STMN2: variants seen among roughly 807,000 people sequenced by gnomAD.
STMN2 encodes stathmin-2.
STMN2 carries 2 observed loss-of-function variants against 24.1 expected under a neutral mutation model. The ratio of observed to expected loss-of-function variants is 0.08; its 90% CI spans 0.03 to 0.26. The LOEUF (loss-of-function observed/expected upper bound fraction) is 0.26. Among genes scored for constraint, STMN2 ranks in the 10% least tolerant of loss-of-function variants. STMN2 has a pLI of 1.00. For missense variants in STMN2, 114 were observed against 213.6 expected (o/e 0.53, Z 2.91); for synonymous variants, 83 against 77.5 (o/e 1.07, Z -0.37).
chr8:79,631,754 T>TA (rs955052074), intron 1 of STMN2, among the ~76,000 whole-genome samples: 8 of 152,058 alleles, frequency 5.3e-5, no homozygotes, highest in African/African-American at 1.7e-4. Flanking sequence ...ATCTGACTTT[T>TA]AAAAAAAATT....
At chr8:79,638,393 A>G (rs1810016560) in intron 2 of STMN2, among the ~76,000 whole-genome samples, 1 of 152,182 alleles carries the variant, frequency 6.6e-6, no homozygotes. Flanking sequence ...TTCTCTTATA[A>G]TCCTTTTCCA....
At chr8:79,612,977 A>G (rs1165561051) in intron 1 of STMN2, among the ~76,000 whole-genome samples, 1 of 151,984 alleles carries the variant, frequency 6.6e-6, no homozygotes, top group Non-Finnish European at 1.5e-5. Flanking sequence ...CTCCCAGCCA[A>G]GCGGGTGGCT....
At chr8:79,613,520 A>G (rs890780239) in intron 1 of STMN2, 20 of 985,356 alleles carry the variant, frequency 2.0e-5, no homozygotes, top group Middle Eastern at 5.2e-4. Flanking sequence ...GGTGGGGGCG[A>G]TCTCGCCTCG....
chr8:79,625,026 CT>C (rs1255897104), intron 1 of STMN2, among the ~76,000 whole-genome samples: 1 of 152,112 alleles, frequency 6.6e-6, no homozygotes, highest in East Asian at 1.9e-4. Context: ...CTCATTATTC[CT>C]ACTTGACAGG....
At chr8:79,614,583 G>A (rs1237524492) in intron 1 of STMN2, among the ~76,000 whole-genome samples, 3 of 152,210 alleles carry the variant, frequency 2.0e-5, no homozygotes, top group Admixed American at 6.5e-5. Context: ...TAAATTAATA[G>A]ACCTTGTGGT....
chr8:79,619,284 C>T (rs1809456434), intron 1 of STMN2, among the ~76,000 whole-genome samples: 1 of 152,074 alleles, frequency 6.6e-6, no homozygotes, highest in Non-Finnish European at 1.5e-5. Flanking sequence ...TGAAATTTAT[C>T]TAAACCTAGT....
intron 2 of STMN2, among the ~76,000 whole-genome samples, chr8:79,639,578 A>G (rs1211890838): frequency 6.6e-6 from 1 of 152,222 alleles, no homozygotes; most frequent in Non-Finnish European, 1.5e-5. Context: ...ATTATAAATT[A>G]TACTATTTTA....
chr8:79,614,479 CAT>C (rs903558254), intron 1 of STMN2, among the ~76,000 whole-genome samples: 2 of 152,188 alleles, frequency 1.3e-5, no homozygotes, highest in Non-Finnish European at 2.9e-5. Context: ...CAATTAATCT[CAT>C]GTATTTAGTT....
intron 3 of STMN2, among the ~76,000 whole-genome samples, chr8:79,653,556 C>A (rs917800980): frequency 1.3e-5 from 2 of 152,144 alleles, no homozygotes; most frequent in Admixed American, 6.6e-5. Flanking sequence ...TTTCCCATTT[C>A]TGTAGAATTT....
chr8:79,631,443 A>G, intron 1 of STMN2: 1 of 985,138 alleles, frequency 1.0e-6, no homozygotes, highest in Non-Finnish European at 1.2e-6. Context: ...GATGGGTAGA[A>G]TCTAATTTTA....
At chr8:79,653,755 A>G (rs1810385416) in intron 3 of STMN2, among the ~76,000 whole-genome samples, 1 of 152,232 alleles carries the variant, frequency 6.6e-6, no homozygotes, top group Non-Finnish European at 1.5e-5. Flanking sequence ...ATTCCCACTT[A>G]TAATTACTCC....
intron 1 of STMN2, among the ~76,000 whole-genome samples, chr8:79,611,574 C>CTTT (rs3079991): frequency 1.3e-5 from 2 of 148,194 alleles, no homozygotes; most frequent in East Asian, 2.0e-4. Context: ...TTATAACGAC[C>CTTT]TTTTTTTTTT....
At chr8:79,641,640 A>T in intron 3 of STMN2, 90 bp downstream of exon 3, 28 of 514,458 alleles carry the variant, frequency 5.4e-5, no homozygotes, top group Non-Finnish European at 5.9e-5. Flanking sequence ...ACACACACAC[A>T]CACACACACA....
chr8:79,627,738 T>TCTAA (rs10673272), intron 1 of STMN2, among the ~76,000 whole-genome samples: 45,574 of 151,878 alleles, frequency 0.3, 7,300 homozygotes, highest in African/African-American at 0.41. Context: ...ATTCATTCTA[T>TCTAA]CTAAGACTTT....
At chr8:79,611,301 A>G (rs3829028) in intron 1 of STMN2, 87 bp downstream of exon 1, 128,708 of 1,550,908 alleles carry the variant, frequency 0.083, 6,073 homozygotes, top group East Asian at 0.2. Context: ...ATTCAGAGAT[A>G]TTTTATAAAG....
intron 1 of STMN2, among the ~76,000 whole-genome samples, chr8:79,614,270 A>G (rs1809329906): frequency 6.6e-6 from 1 of 152,266 alleles, no homozygotes. Flanking sequence ...ATAATTAATT[A>G]TCAGGGCGAG....
chr8:79,636,191 T>C (rs563204041), intron 1 of STMN2, among the ~76,000 whole-genome samples: 1 of 152,084 alleles, frequency 6.6e-6, no homozygotes, highest in South Asian at 2.1e-4. Flanking sequence ...CACTACAGCC[T>C]GGGTAACAGA....
chr8:79,635,980 G>A (rs1013530801), intron 1 of STMN2, among the ~76,000 whole-genome samples: 10 of 152,290 alleles, frequency 6.6e-5, no homozygotes, highest in African/African-American at 2.4e-4. Flanking sequence ...ACTTTGGGTG[G>A]CCAAGGTGGG....
chr8:79,643,507 T>C (rs551422969), intron 3 of STMN2, among the ~76,000 whole-genome samples: 15 of 152,074 alleles, frequency 9.9e-5, no homozygotes, highest in Admixed American at 9.8e-4. Flanking sequence ...TTGATTAGAA[T>C]ATGGAGTCAG....
Sources: allele counts gnomAD v4.1 joint callset (sites outside exome capture counted in the v4.1 genomes callset), GRCh38; gene constraint gnomAD v4.1.1; transcripts MANE v1.5; gene names NCBI Gene and HGNC (gene_info 2026-07-23, HGNC 2026-07-21).